Variants in GLIS3 observed in about 807,000 individuals in gnomAD.
GLIS3 encodes the protein GLIS family zinc finger 3.
GLIS3 carries 53 observed loss-of-function variants against 78.6 expected under a neutral mutation model. That is an observed-to-expected ratio of 0.67 (90% CI 0.54 to 0.85). The LOEUF is 0.85. GLIS3 is among the 40% of genes least tolerant of loss of function. The pLI, the probability that GLIS3 is intolerant of heterozygous loss-of-function variation, is 0.00. For missense variants in GLIS3, 1,703 were observed against 1,231.1 expected (o/e 1.38, Z -5.74); for synonymous variants, 684 against 509.9 (o/e 1.34, Z -4.60).
chr9:4,048,493 A>G lies in GLIS3; in HGVS notation c.1710+69275T>C, dbSNP rs577621219. On this transcript the variant is annotated intron_variant, in intron 4 of 10. Transcript: ENST00000381971. ...AAGCCATTCTCATAAATAGAAAAAA[A>G]AAGTAGCTAGCACGGTCAGAAACAG... Among the ~76,000 whole-genome samples, 8 of 152,312 alleles carry G rather than the reference A, an allele frequency of 5.3e-5. No individual in the cohort carries two copies. In the East Asian group the frequency reaches 1.5e-3, roughly 29 times the overall value.
At chr9:4,044,283 T>A (rs780390935) in intron 4 of GLIS3, among the ~76,000 whole-genome samples, 1 of 152,172 alleles carries the variant, frequency 6.6e-6, no homozygotes. Context: ...TTCGACTAAA[T>A]AGACATAAAG....
chr9:4,008,569 C>G lies in GLIS3; in HGVS notation c.1711-71380G>C, dbSNP rs144018613. 4.0e-3 allele frequency among the ~76,000 whole-genome samples: 608 copies of G among 152,284 alleles called. 9 individuals carry two copies. Among genetic ancestry groups the G allele is most frequent in the African/African-American group, 0.014 (583 of 41,558 alleles). On this transcript the variant is annotated intron_variant, in intron 4 of 10. Coordinates refer to ENST00000381971, the MANE Select transcript of GLIS3 (RefSeq NM_001042413.2). Reference sequence around the variant, plus strand: ...TTATCCTTAGCTTGACATCTTTTAACAGAGGGGCAAAAGTTGATTTCTGTG... The same window carrying G: ...TTATCCTTAGCTTGACATCTTTTAAGAGAGGGGCAAAAGTTGATTTCTGTG...
chr9:4,226,533 G>C lies in GLIS3; in HGVS notation c.388+59505C>G, dbSNP rs372681596. 5.3e-5 allele frequency among the ~76,000 whole-genome samples: 8 copies of C among 152,138 alleles called. No individual in the cohort carries two copies. The East Asian group carries it at 1.2e-3, about 22-fold the overall frequency. On this transcript the variant is annotated intron_variant, in intron 2 of 10. Coordinates refer to ENST00000381971, the MANE Select transcript of GLIS3 (RefSeq NM_001042413.2). ...CAGAAACAACCCGACTATGCCTAAG[G>C]GGGAGGGAATGGTAAGGTGGAGCTA...
intron 4 of GLIS3, among the ~76,000 whole-genome samples, chr9:4,001,631 A>T (rs1371079861): frequency 6.6e-6 from 1 of 152,244 alleles, no homozygotes; most frequent in African/African-American, 2.4e-5. Flanking sequence ...ATTTCAAATT[A>T]AGCCTTCTCT....
At chr9:4,413,912 C>A in the GLIS3 span, among the ~76,000 whole-genome samples, 1 of 152,160 alleles carries the variant, frequency 6.6e-6, no homozygotes, top group Non-Finnish European at 1.5e-5. Flanking sequence ...GGCTTAACTT[C>A]ACCAGCTTAT....
At chr9:4,122,681 T>G (rs757882052) in intron 3 of GLIS3, among the ~76,000 whole-genome samples, 2 of 152,180 alleles carry the variant, frequency 1.3e-5, no homozygotes, top group Admixed American at 6.5e-5. Flanking sequence ...AATGCAGGAT[T>G]ACAATGCATG....
chr9:4,145,360 A>G (rs1343003849), intron 2 of GLIS3, among the ~76,000 whole-genome samples: 2 of 152,222 alleles, frequency 1.3e-5, no homozygotes, highest in African/African-American at 2.4e-5. Flanking sequence ...AACTACACCC[A>G]AAGGTGGTTC....
chr9:4,357,588 T>C, the GLIS3 span, among the ~76,000 whole-genome samples: 39 of 149,382 alleles, frequency 2.6e-4, 1 homozygote, highest in South Asian at 6.0e-3. Context: ...TGTGTGTGTG[T>C]GCATGTGTAT....
chr9:3,877,452 T>A lies in GLIS3; in HGVS notation c.2297+1975A>T, dbSNP rs73384252. Among the ~76,000 whole-genome samples, 458 of 152,332 alleles carry A rather than the reference T, an allele frequency of 3.0e-3. 4 individuals are homozygous for A. Among genetic ancestry groups the A allele is most frequent in the African/African-American group, 9.7e-3 (404 of 41,582 alleles). ...AAGTCCAGCATCTTCTGATTCATAT[T>A]GCTAATTGCCAATCAGACATATCCA... On this transcript the variant is annotated intron_variant, in intron 8 of 10. Transcript: ENST00000381971.
intron 8 of GLIS3, among the ~76,000 whole-genome samples, chr9:3,871,984 C>T (rs1588127471): frequency 6.6e-6 from 1 of 152,352 alleles, no homozygotes; most frequent in Middle Eastern, 3.4e-3. Context: ...ACCCAAGTCA[C>T]TTCCTGAATG....
chr9:3,900,249 C>T (rs939126930), intron 6 of GLIS3, among the ~76,000 whole-genome samples: 1 of 147,436 alleles, frequency 6.8e-6, no homozygotes, highest in African/African-American at 2.5e-5. Context: ...TGCACACTTG[C>T]AAAGAAGTGC....
At chr9:4,370,668 A>T in the GLIS3 span, among the ~76,000 whole-genome samples, 1 of 151,496 alleles carries the variant, frequency 6.6e-6, no homozygotes, top group Non-Finnish European at 1.5e-5. Context: ...TGTATTTAAT[A>T]TACATAATAG....
chr9:4,120,716 C>G (rs1301554218), intron 3 of GLIS3, among the ~76,000 whole-genome samples: 2 of 152,178 alleles, frequency 1.3e-5, no homozygotes. Flanking sequence ...ACATAAAGAA[C>G]CAGAGCTTTG....
At chr9:4,348,088 A>G (rs1367170777) in intron 1 of GLIS3, 6 of 152,244 alleles carry the variant, frequency 3.9e-5, no homozygotes, top group Non-Finnish European at 8.8e-5. Flanking sequence ...TCTAAAATGC[A>G]CAGAGATCTT....
the GLIS3 span, among the ~76,000 whole-genome samples, chr9:4,445,700 G>A: frequency 6.6e-6 from 1 of 152,146 alleles, no homozygotes; most frequent in Non-Finnish European, 1.5e-5. Flanking sequence ...CTGAGGACAA[G>A]AGGGACCAAA....
At chr9:4,399,128 T>G in the GLIS3 span, among the ~76,000 whole-genome samples, 1 of 152,212 alleles carries the variant, frequency 6.6e-6, no homozygotes, top group East Asian at 1.9e-4. Flanking sequence ...TTAACACTAA[T>G]ATGTATTTTC....
chr9:4,139,700 A>C (rs1833663592), intron 2 of GLIS3, among the ~76,000 whole-genome samples: 1 of 152,162 alleles, frequency 6.6e-6, no homozygotes, highest in South Asian at 2.1e-4. Context: ...TTCAGGATGA[A>C]ACTGTTCCAC....
In GLIS3 at chr9:3,857,823, C is replaced by A. The variant is rs187236135; in HGVS notation, c.2298-1639G>T. Among the ~76,000 whole-genome samples, 6 of 152,306 alleles carry A rather than the reference C, an allele frequency of 3.9e-5. No individual in the cohort carries two copies. In the East Asian group the frequency reaches 1.2e-3, roughly 29 times the overall value. ...ACAAATCCTGGCACTGCCCTGAGAA[C>A]ATCTAGTAAAACTCATTTGCCAGGA... On this transcript the variant is annotated intron_variant, in intron 8 of 10. Coordinates refer to ENST00000381971, the MANE Select transcript of GLIS3 (RefSeq NM_001042413.2).
chr9:3,995,212 T>C (rs1182835109), intron 4 of GLIS3, among the ~76,000 whole-genome samples: 3 of 152,130 alleles, frequency 2.0e-5, no homozygotes, highest in Non-Finnish European at 4.4e-5. Flanking sequence ...TTAAGGATTT[T>C]TAACCAGAAA....
Sources: allele counts gnomAD v4.1 joint callset (sites outside exome capture counted in the v4.1 genomes callset), GRCh38; gene constraint gnomAD v4.1.1; transcripts MANE v1.5; gene names NCBI Gene and HGNC (gene_info 2026-07-23, HGNC 2026-07-21).